The following ACSM2A variants were observed in gnomAD, a reference collection of about 807,000 sequenced individuals.
ACSM2A encodes the protein acyl-coenzyme A synthetase ACSM2A, mitochondrial.
ACSM2A carries 72 observed loss-of-function variants against 76.6 expected under a neutral mutation model. The observed-to-expected ratio is 0.94, with a 90% CI of 0.78 to 1.14. The LOEUF (loss-of-function observed/expected upper bound fraction) is 1.14. Ranked by LOEUF, ACSM2A falls within the 50% of genes most tolerant of loss-of-function variation. ACSM2A has a pLI of 0.00. For synonymous variants in ACSM2A, 249 were observed against 255.9 expected (o/e 0.97, Z 0.26); for missense variants, 684 against 708.5 (o/e 0.97, Z 0.39).
chr16:20,475,212 C>T, intron 6 of ACSM2A, 150 bp from the exon 7 acceptor site: 1 of 1,514,540 alleles, frequency 6.6e-7, no homozygotes, highest in Non-Finnish European at 8.9e-7. Flanking sequence ...AGTTGTGGGG[C>T]TCATTTAACC....
intron 13 of ACSM2A, among the ~76,000 whole-genome samples, chr16:20,485,578 T>C (rs2014339993): frequency 6.6e-6 from 1 of 152,230 alleles, no homozygotes; most frequent in Non-Finnish European, 1.5e-5. Context: ...AGTTTCTAAA[T>C]GCATGGGTAT....
At chr16:20,466,163 G>A (rs1252300287) in intron 3 of ACSM2A, among the ~76,000 whole-genome samples, 4 of 151,700 alleles carry the variant, frequency 2.6e-5, no homozygotes, top group Non-Finnish European at 5.9e-5. Context: ...TTGCACTACA[G>A]TGGCAACTTG....
At chr16:20,457,324 A>G (rs2012239169) in intron 1 of ACSM2A, among the ~76,000 whole-genome samples, 1 of 152,100 alleles carries the variant, frequency 6.6e-6, no homozygotes, top group Non-Finnish European at 1.5e-5. Context: ...TGAAGCCAGT[A>G]TTACCCTCAT....
At chr16:20,482,666 G>C (rs755871244) in intron 12 of ACSM2A, 1 of 168,018 alleles carries the variant, frequency 6.0e-6, no homozygotes. Flanking sequence ...TTTATTTACC[G>C]TAAGTTAAAT....
intron 2 of ACSM2A, among the ~76,000 whole-genome samples, chr16:20,464,746 G>A (rs2012870599): frequency 1.3e-5 from 2 of 152,234 alleles, no homozygotes; most frequent in African/African-American, 4.8e-5. Context: ...AATTCATAGA[G>A]TCGGAAAGTA....
chr16:20,471,674 A>C lies in ACSM2A; in HGVS notation c.879A>C (p.Pro293=), dbSNP rs1355435918. Residue 293 remains proline (P), a synonymous_variant, in exon 6 of 14, where the codon CCA becomes CCC. Transcript: ENST00000573854. ...TFVHLLPKFD[P]LVILKTLSSY... The stretch of plus-strand genomic sequence containing the variant: ...TTCATCTCTTGCCAAAGTTTGACCC[A>C]CTGGTTATTCTAAAGGTAAGAGAGG... 2 of 1,613,492 alleles carry C rather than the reference A, an allele frequency of 1.2e-6. No individual in the cohort carries two copies. Among genetic ancestry groups the C allele is most frequent in the Admixed American group, 3.3e-5 (2 of 59,996 alleles).
chr16:20,474,655 C>A (rs9936421), intron 6 of ACSM2A, among the ~76,000 whole-genome samples: 4 of 152,300 alleles, frequency 2.6e-5, no homozygotes, highest in African/African-American at 9.6e-5. Context: ...TGGTGTTATA[C>A]GACAGGAATA....
intron 1 of ACSM2A, among the ~76,000 whole-genome samples, chr16:20,456,389 CATATGA>C (rs1198166651): frequency 2.1e-5 from 3 of 140,752 alleles, no homozygotes; most frequent in Admixed American, 2.1e-4. Flanking sequence ...CAAGATAGAC[CATATGA>C]TAGGCCACAA....
Position 20,465,732 on chromosome 16 carries a change from G to A in ACSM2A, c.388+5G>A, listed in dbSNP as rs1392720570. The A allele has an allele frequency of 1.9e-6, 3 of 1,613,134 alleles. No individual in the cohort carries two copies. In the African/African-American group the frequency reaches 4.0e-5, roughly 22 times the overall value. On this transcript the variant is annotated splice_donor_5th_base_variant and intron_variant, in intron 3 of 13. Transcript: ENST00000573854. Reference sequence around the variant, plus strand: ...TCCTGGGCTGCATTCGAGCAGGTTGGTAACTGACTACCTGGACAGAGAACT... The same window carrying A: ...TCCTGGGCTGCATTCGAGCAGGTTGATAACTGACTACCTGGACAGAGAACT...
chr16:20,475,663 C>A lies in ACSM2A; in HGVS notation c.988C>A (p.His330Asn). ...TCTCTTCTTCAGTTACAAGTTCCCC[C>A]ATCTACAGAACTGCGTCACTGTAGG... Reference protein sequence around the residue: ...QQDLSSYKFPHLQNCVTVGES... With the variant: ...QQDLSSYKFPNLQNCVTVGES... The change falls in exon 8 of 14, where the codon CAT becomes AAT. Residue 330 changes from histidine to asparagine, a missense_variant. Physicochemically the swap from His to Asn is moderately conservative, Grantham distance 68. Coordinates refer to ENST00000573854, the MANE Select transcript of ACSM2A (RefSeq NM_001308172.2). The A allele has an allele frequency of 6.2e-7, 1 of 1,614,044 alleles. No individual in the cohort carries two copies. Among genetic ancestry groups the A allele is most frequent in the Non-Finnish European group, 8.5e-7 (1 of 1,179,930 alleles).
intron 13 of ACSM2A, among the ~76,000 whole-genome samples, chr16:20,484,924 C>T (rs952438547): frequency 1.3e-5 from 2 of 152,118 alleles, no homozygotes; most frequent in Non-Finnish European, 2.9e-5. Flanking sequence ...TATCAGAGTC[C>T]ACCACATGGA....
chr16:20,483,114 G>A lies in ACSM2A; in HGVS notation c.1566G>A (p.Gln522=), dbSNP rs752320053. The change falls in exon 13 of 14, where the codon CAG becomes CAA. Residue 522 remains glutamine (Q), a synonymous_variant. Transcript: ENST00000573854. ...AGTTCCTGTCCCATGACCCAGAACA[G>A]CTCACCAAGGAGCTGCAGCAGCATG... ...ASQFLSHDPE[Q]LTKELQQHVK... 2 of 1,614,072 alleles carry A rather than the reference G, an allele frequency of 1.2e-6. No homozygotes were observed. The highest frequency in any genetic ancestry group is 1.1e-5 in the South Asian group (1 of 91,068).
chr16:20,483,649 C>T (rs992636488), intron 13 of ACSM2A, among the ~76,000 whole-genome samples: 11 of 140,824 alleles, frequency 7.8e-5, no homozygotes, highest in Admixed American at 6.7e-4. Flanking sequence ...TAGCTTGATG[C>T]CTGAAAAATG....
chr16:20,475,839 T>C (rs2013707676), intron 8 of ACSM2A, 66 bp downstream of exon 8: 2 of 1,597,540 alleles, frequency 1.3e-6, no homozygotes, highest in Non-Finnish European at 1.7e-6. Context: ...TCTTTGACAA[T>C]AAAAATTGTT....
At chr16:20,479,372 CTTTAAACTTTAAACTCA>C (rs1276149684) in intron 10 of ACSM2A, among the ~76,000 whole-genome samples, 3 of 152,126 alleles carry the variant, frequency 2.0e-5, no homozygotes, top group Non-Finnish European at 4.4e-5. Context: ...CACATTTAAT[CTTTAAACTTTAAACTCA>C]TTTAAACTTT....
At chr16:20,469,861 A>G in intron 4 of ACSM2A, 142 bp downstream of exon 4, 1 of 1,091,040 alleles carries the variant, frequency 9.2e-7, no homozygotes, top group Non-Finnish European at 1.3e-6. Flanking sequence ...AATAAAAGCT[A>G]ACACAAGGGT....
At chr16:20,482,816 A>T in intron 12 of ACSM2A, 2 of 400,238 alleles carry the variant, frequency 5.0e-6, no homozygotes, top group East Asian at 8.6e-5. Context: ...CTCTATTGTT[A>T]TTGGAGTATG....
In ACSM2A at chr16:20,465,632, C is replaced by A. The variant is rs762621307; in HGVS notation, c.293C>A (p.Ser98Ter). 3 of 1,613,874 alleles carry A rather than the reference C, an allele frequency of 1.9e-6. No homozygotes were observed. Among genetic ancestry groups the A allele is most frequent in the Non-Finnish European group, 2.5e-6 (3 of 1,179,876 alleles). Residue 98 changes from serine (S) to a stop codon, truncating the protein, a stop_gained, in exon 3 of 14, where the codon TCG becomes TAG. Transcript: ENST00000573854. LOFTEE classifies it high-confidence loss of function. ...ENSQQAANVLSGACGLQRGDR... is the reference protein window; with the variant it reads ...ENSQQAANVL ...AGCCAGCAGGCAGCCAACGTCCTCTCGGGAGCCTGTGGCCTGCAGCGTGGG... is the reference window on the plus strand; with the variant it reads ...AGCCAGCAGGCAGCCAACGTCCTCTAGGGAGCCTGTGGCCTGCAGCGTGGG...
intron 13 of ACSM2A, among the ~76,000 whole-genome samples, chr16:20,483,399 A>G (rs539761155): frequency 7.4e-4 from 112 of 151,182 alleles, no homozygotes; most frequent in African/African-American, 2.5e-3. Flanking sequence ...GTGAAACCCC[A>G]TCTCTACCCA....
Sources: allele counts gnomAD v4.1 joint callset (sites outside exome capture counted in the v4.1 genomes callset), GRCh38; gene constraint gnomAD v4.1.1; transcripts MANE v1.5; gene names NCBI Gene and HGNC (gene_info 2026-07-23, HGNC 2026-07-21).